The following WIPF2 variants were observed in gnomAD, a reference collection of about 807,000 sequenced individuals.
WIPF2 encodes WAS/WASL interacting protein family member 2.
A neutral mutation model predicts 38.8 loss-of-function variants in WIPF2; 23 were observed. The observed-to-expected ratio is 0.59, with a 90% confidence interval of 0.43 to 0.84. The LOEUF is 0.84. WIPF2 is among the 40% of genes least tolerant of loss of function. The pLI is 0.00. For synonymous variants in WIPF2, 210 were observed against 223.2 expected (o/e 0.94, Z 0.53); for missense variants, 574 against 580.5 (o/e 0.99, Z 0.11).
chr17:40,274,687 AT>A (rs1224318632), intron 6 of WIPF2, among the ~76,000 whole-genome samples: 1 of 151,298 alleles, frequency 6.6e-6, no homozygotes, highest in Non-Finnish European at 1.5e-5. Context: ...CATGCCTGTA[AT>A]CCCAGCACTT....
At chr17:40,244,440 T>G (rs992557256) in intron 1 of WIPF2, among the ~76,000 whole-genome samples, 8 of 152,162 alleles carry the variant, frequency 5.3e-5, no homozygotes. Context: ...GGAGCAAAGC[T>G]GAAGGACAGC....
At chr17:40,240,356 T>C (rs1416702690) in intron 1 of WIPF2, among the ~76,000 whole-genome samples, 1 of 152,036 alleles carries the variant, frequency 6.6e-6, no homozygotes, top group East Asian at 1.9e-4. Context: ...TGAGCCACCG[T>C]GCCAGTCCCA....
At chr17:40,251,255 G>A (rs1312732117) in intron 1 of WIPF2, among the ~76,000 whole-genome samples, 2 of 151,928 alleles carry the variant, frequency 1.3e-5, no homozygotes, top group Non-Finnish European at 2.9e-5. Context: ...CTTCCAGAAG[G>A]CTCAAATTTG....
chr17:40,259,298 A>C (rs1229798444), intron 2 of WIPF2, among the ~76,000 whole-genome samples: 1 of 151,696 alleles, frequency 6.6e-6, no homozygotes, highest in African/African-American at 2.4e-5. Context: ...GGCGATCATG[A>C]GGAGTTCTTG....
intron 1 of WIPF2, among the ~76,000 whole-genome samples, chr17:40,222,375 A>AACATGC (rs1193263643): frequency 9.9e-5 from 15 of 150,950 alleles, no homozygotes; most frequent in Non-Finnish European, 1.6e-4. Flanking sequence ...AAGGAAAACA[A>AACATGC]GGCTGGGCGC....
chr17:40,240,049 A>C (rs1484549336), intron 1 of WIPF2, among the ~76,000 whole-genome samples: 1 of 149,286 alleles, frequency 6.7e-6, no homozygotes, highest in African/African-American at 2.5e-5. Flanking sequence ...GGAGGAATCC[A>C]TTTGTTATAC....
chr17:40,256,917 A>G (rs78041921), intron 2 of WIPF2, among the ~76,000 whole-genome samples: 1,822 of 152,210 alleles, frequency 0.012, 20 homozygotes, highest in Non-Finnish European at 0.02. Context: ...TTTTCCCCTA[A>G]AACTATTTGC....
At chr17:40,256,341 T>C in intron 1 of WIPF2, 50 bp from the exon 2 acceptor site, 1 of 1,478,690 alleles carries the variant, frequency 6.8e-7, no homozygotes, top group South Asian at 1.3e-5. Context: ...TCCTGGGCAC[T>C]TGTATCTAAT....
At chr17:40,266,237 C>CA (rs973061072) in intron 5 of WIPF2, among the ~76,000 whole-genome samples, 12,962 of 61,886 alleles carry the variant, frequency 0.21, 991 homozygotes, top group East Asian at 0.4. Context: ...CAGTCCATCT[C>CA]AAAAAAAAAA....
rs1666090393 is a variant in WIPF2 at position 40,278,765 on chromosome 17, G to C, written c.*540G>C. 6.6e-6 allele frequency: 1 copy of C among 152,364 alleles called. No individual in the cohort carries two copies. The highest frequency in any genetic ancestry group is 2.4e-5 in the African/African-American group (1 of 41,404). 9.4% of individuals were successfully genotyped at this position (152,364 alleles called of 1,614,324 possible). The stretch of plus-strand genomic sequence containing the variant: ...GGAGAAAGGGCAAGGAATTGGGTCT[G>C]CTTTATTTTTGGGGGTATTTTGTTT... On this transcript the variant is annotated 3_prime_UTR_variant, in exon 8 of 8. Coordinates refer to ENST00000323571, the MANE Select transcript of WIPF2 (RefSeq NM_133264.5).
intron 2 of WIPF2, 106 bp downstream of exon 2, chr17:40,256,628 A>C: frequency 7.2e-7 from 1 of 1,398,072 alleles, no homozygotes; most frequent in East Asian, 2.7e-5. Flanking sequence ...AAATTTCTAG[A>C]TTTTCCTACT....
At chr17:40,258,496 G>A (rs563883057) in intron 2 of WIPF2, among the ~76,000 whole-genome samples, 43 of 152,228 alleles carry the variant, frequency 2.8e-4, no homozygotes, top group African/African-American at 1.0e-3. Flanking sequence ...AGAGGCTGAG[G>A]CAGGAGAATC....
chr17:40,239,072 T>TTATC lies in WIPF2; in HGVS notation c.-69-17316_-69-17315insCTAT, dbSNP rs2031087665. 3.3e-5 allele frequency among the ~76,000 whole-genome samples: 5 copies of TTATC among 149,940 alleles called. No individual in the cohort carries two copies. The Admixed American group carries it at 3.3e-4, about 10-fold the overall frequency. ...TTTATTTATTTATTTATTTATTTAT[T>TTATC]TATTTATTTATTTATTTGAGACGGA... On this transcript the variant is annotated intron_variant, in intron 1 of 7. Transcript: ENST00000323571.
chr17:40,268,089 A>G (rs1224597986), intron 5 of WIPF2, among the ~76,000 whole-genome samples: 1 of 152,206 alleles, frequency 6.6e-6, no homozygotes, highest in East Asian at 1.9e-4. Flanking sequence ...TGGAGGCTGC[A>G]GTGAGCTGTA....
chr17:40,222,505 C>G (rs1470038790), intron 1 of WIPF2, among the ~76,000 whole-genome samples: 1 of 150,946 alleles, frequency 6.6e-6, no homozygotes, highest in African/African-American at 2.4e-5. Flanking sequence ...CGAAACTCCA[C>G]CTCAACAACA....
At position 40,282,111 on chromosome 17, in the gene WIPF2, C is replaced by CAAAAA. The variant is rs71355445; in HGVS notation, c.*3905_*3909dup. On this transcript the variant is annotated 3_prime_UTR_variant, in exon 8 of 8. Transcript: ENST00000323571. ...CTACAACCACCATCAAAACCACACG[C>CAAAAA]AAAAAAAAAAAAAAAAAAAAAAAGG... is the stretch of plus-strand genomic sequence containing the variant. The CAAAAA allele has an allele frequency of 2.2e-4, 11 of 51,140 alleles. No individual in the cohort carries two copies. Among genetic ancestry groups the CAAAAA allele is most frequent in the African/African-American group, 3.6e-4 (5 of 13,796 alleles). The allele number at this position is 51,140 out of a possible 1,614,324, so 3.2% of individuals were successfully genotyped here.
At chr17:40,228,039 G>A (rs1190864785) in intron 1 of WIPF2, among the ~76,000 whole-genome samples, 11 of 96,372 alleles carry the variant, frequency 1.1e-4, no homozygotes, top group East Asian at 9.5e-4. Context: ...TTTTTGAGAC[G>A]GAGTCTCGCT....
At chr17:40,228,977 C>T (rs1430146461) in intron 1 of WIPF2, among the ~76,000 whole-genome samples, 1 of 151,722 alleles carries the variant, frequency 6.6e-6, no homozygotes, top group Non-Finnish European at 1.5e-5. Context: ...CATCTTGGCT[C>T]ACTGCGACCT....
intron 5 of WIPF2, among the ~76,000 whole-genome samples, chr17:40,268,479 G>A (rs555197685): frequency 5.0e-4 from 76 of 152,200 alleles, no homozygotes; most frequent in African/African-American, 1.7e-3. Context: ...TGCAATTTCC[G>A]TGGGTTGAGC....
Sources: allele counts gnomAD v4.1 joint callset (sites outside exome capture counted in the v4.1 genomes callset), GRCh38; gene constraint gnomAD v4.1.1; transcripts MANE v1.5; gene names NCBI Gene and HGNC (gene_info 2026-07-23, HGNC 2026-07-21).